The following REEP1 variants were observed in gnomAD, a reference collection of about 807,000 sequenced individuals.
The protein encoded by REEP1 is receptor expression-enhancing protein 1.
REEP1 carries 22 observed loss-of-function variants against 40.3 expected under a neutral mutation model. That is an observed-to-expected ratio of 0.55 (90% CI 0.39 to 0.78). REEP1 has a LOEUF of 0.78. REEP1 is among the 30% of genes least tolerant of loss of function. The pLI is 0.00. For missense variants in REEP1, 280 were observed against 361.1 expected (o/e 0.78, Z 1.82); for synonymous variants, 116 against 139.2 (o/e 0.83, Z 1.17).
chr2:86,237,280 A>G (rs982406974), intron 5 of REEP1, among the ~76,000 whole-genome samples: 1 of 152,226 alleles, frequency 6.6e-6, no homozygotes, highest in Non-Finnish European at 1.5e-5. Flanking sequence ...GGTATGATCA[A>G]GAAAGTGGCA....
In REEP1 at chr2:86,215,693, T is replaced by C. The variant is rs1029150859; in HGVS notation, c.*1346A>G. 3 of 152,624 alleles carry C rather than the reference T, an allele frequency of 2.0e-5. No homozygotes were observed. Among genetic ancestry groups the C allele is most frequent in the South Asian group, 2.1e-4 (1 of 4,824 alleles). The allele number at this position is 152,624 out of a possible 1,614,324, so 9.5% of individuals were successfully genotyped here. ...GACCACAATGCCATTTAAACCAGAT[T>C]CTTTTCAAATAAAATTCTCAATCTA... On this transcript the variant is annotated 3_prime_UTR_variant, in exon 9 of 9. Transcript: ENST00000538924.
chr2:86,248,102 G>A (rs1676068529), intron 5 of REEP1, among the ~76,000 whole-genome samples: 1 of 152,142 alleles, frequency 6.6e-6, no homozygotes, highest in Admixed American at 6.6e-5. Context: ...GACAGAAGGA[G>A]GAATTACTCT....
At chr2:86,317,714 A>T (rs1016628323) in intron 1 of REEP1, among the ~76,000 whole-genome samples, 45 of 152,264 alleles carry the variant, frequency 3.0e-4, no homozygotes, top group Admixed American at 2.9e-3. Context: ...AGTAAAAATC[A>T]TCACTTTCAT....
At chr2:86,222,107 C>G (rs1674463419) in intron 7 of REEP1, among the ~76,000 whole-genome samples, 1 of 152,214 alleles carries the variant, frequency 6.6e-6, no homozygotes, top group African/African-American at 2.4e-5. Context: ...TCTAACAACC[C>G]AGGCTAGTTA....
intron 1 of REEP1, among the ~76,000 whole-genome samples, chr2:86,324,870 C>T (rs1680431513): frequency 1.3e-5 from 2 of 152,168 alleles, no homozygotes; most frequent in Admixed American, 6.5e-5. Flanking sequence ...AAATCTAGAA[C>T]AACCTAAACA....
At chr2:86,238,406 TTC>T (rs1675477606) in intron 5 of REEP1, among the ~76,000 whole-genome samples, 1 of 152,250 alleles carries the variant, frequency 6.6e-6, no homozygotes, top group African/African-American at 2.4e-5. Context: ...TGAGCTGTAC[TTC>T]TCTCTTGTAC....
rs1321552586 is a variant in REEP1 at position 86,253,978 on chromosome 2, C to T, written c.303+716G>A. ...ATTCTAAGACAATTAAAGGAAGCAA[C>T]TAAACTCCAGGAATGGTAGTGCTCA... On this transcript the variant is annotated intron_variant, in intron 4 of 8. Coordinates refer to ENST00000538924, the MANE Select transcript of REEP1 (RefSeq NM_001371279.1). Among the ~76,000 whole-genome samples the T allele has an allele frequency of 3.3e-5, 5 of 152,144 alleles. No individual in the cohort carries two copies. The East Asian group carries it at 9.6e-4, about 29-fold the overall frequency.
At chr2:86,268,064 A>G (rs1186450494) in intron 2 of REEP1, among the ~76,000 whole-genome samples, 2 of 152,198 alleles carry the variant, frequency 1.3e-5, no homozygotes, top group Non-Finnish European at 2.9e-5. Flanking sequence ...TGGTGAGAAA[A>G]TAGATGATTT....
intron 2 of REEP1, among the ~76,000 whole-genome samples, chr2:86,267,966 C>T (rs986595440): frequency 1.2e-4 from 18 of 147,888 alleles, no homozygotes; most frequent in African/African-American, 4.3e-4. Flanking sequence ...AAAAAAAAAA[C>T]CTTAGCAAAG....
At position 86,227,369 on chromosome 2, in the gene REEP1, A is replaced by T. The variant is rs1480780709; in HGVS notation, c.625T>A (p.Trp209Arg). ...VCTCCSTCRT[W>R]KVVEGDVNEG... ...AGGCTGGCTGCTTACTCACCTTTCC[A>T]GGTCCTGCAGGTGGAGCAGCAGGTA... Residue 209 changes from tryptophan to arginine, a missense_variant, in exon 7 of 9, where the codon TGG (tryptophan) becomes AGG (arginine). Transcript: ENST00000538924. The T allele has an allele frequency of 7.3e-6, 9 of 1,232,172 alleles. No homozygotes were observed. The African/African-American group carries it at 1.2e-4, about 17-fold the overall frequency. The allele number at this position is 1,232,172 out of a possible 1,614,324, so 76.3% of individuals were successfully genotyped here.
chr2:86,217,448 G>C lies in REEP1; in HGVS notation c.784-338C>G, dbSNP rs116222182. Among the ~76,000 whole-genome samples the C allele has an allele frequency of 5.1e-3, 769 of 152,222 alleles. 6 individuals are homozygous for C. The highest frequency in any genetic ancestry group is 0.017 in the African/African-American group (724 of 41,516). ...TGATTCAGCAGAAAGAGACACCTCC[G>C]CATGCTTCCTTTGCTTTTGTTATTT... On this transcript the variant is annotated intron_variant, in intron 8 of 8. Coordinates refer to ENST00000538924, the MANE Select transcript of REEP1 (RefSeq NM_001371279.1).
intron 2 of REEP1, among the ~76,000 whole-genome samples, chr2:86,276,543 G>C (rs983919429): frequency 1.3e-5 from 2 of 152,126 alleles, no homozygotes; most frequent in Admixed American, 6.5e-5. Context: ...AATGCCCTGC[G>C]GTGGCTGGCC....
Position 86,295,600 on chromosome 2 carries a change from C to G in REEP1, c.33-13358G>C, listed in dbSNP as rs114898374. ...AGTGCTTCGGTGTGATCTCCACTCA[C>G]TGCAAGCTCCGCCTCTGCAAGCTCC... On this transcript the variant is annotated intron_variant, in intron 1 of 8. Coordinates refer to ENST00000538924, the MANE Select transcript of REEP1 (RefSeq NM_001371279.1). 4.2e-3 allele frequency among the ~76,000 whole-genome samples: 642 copies of G among 152,352 alleles called. 10 individuals carry two copies. Among genetic ancestry groups the G allele is most frequent in the African/African-American group, 0.015 (621 of 41,578 alleles).
intron 5 of REEP1, 62 bp downstream of exon 5, chr2:86,251,895 G>T: frequency 8.8e-7 from 1 of 1,130,134 alleles, no homozygotes; most frequent in Non-Finnish European, 1.4e-6. Context: ...TCGCACAGGT[G>T]ATGAGCAGGG....
chr2:86,248,188 C>T (rs1284328242), intron 5 of REEP1, among the ~76,000 whole-genome samples: 11 of 152,176 alleles, frequency 7.2e-5, no homozygotes, highest in African/African-American at 2.7e-4. Context: ...AATTCCAGCC[C>T]AGTGTGCTGA....
intron 5 of REEP1, among the ~76,000 whole-genome samples, chr2:86,249,280 A>T (rs1676142684): frequency 6.6e-6 from 1 of 151,044 alleles, no homozygotes. Flanking sequence ...AAAGTGGGAG[A>T]ATTTGTAGTC....
At chr2:86,225,520 CTCGG>C (rs1674634317) in intron 7 of REEP1, among the ~76,000 whole-genome samples, 1 of 152,228 alleles carries the variant, frequency 6.6e-6, no homozygotes, top group African/African-American at 2.4e-5. Context: ...ATCTGCCTGC[CTCGG>C]TCTCCCAAAG....
At chr2:86,262,459 C>A (rs1676919031) in intron 3 of REEP1, among the ~76,000 whole-genome samples, 1 of 152,264 alleles carries the variant, frequency 6.6e-6, no homozygotes, top group South Asian at 2.1e-4. Flanking sequence ...GAAATCCATA[C>A]TCCTTCACTA....
chr2:86,336,662 G>C (rs1681048315), intron 1 of REEP1: 1 of 152,544 alleles, frequency 6.6e-6, no homozygotes, highest in Non-Finnish European at 1.5e-5. Context: ...ACAGGTCCTG[G>C]GGCTTGAAGG....
Sources: gnomAD v4.1 joint callset for allele counts (sites outside exome capture counted in the v4.1 genomes callset) on GRCh38, gnomAD v4.1.1 for gene constraint, MANE v1.5 for transcripts, NCBI Gene and HGNC (gene_info 2026-07-23, HGNC 2026-07-21) for gene names.